Variants in COL26A1 observed in about 807,000 individuals in gnomAD.
COL26A1 encodes the protein collagen type XXVI alpha 1 chain.
COL26A1 carries 41 observed loss-of-function variants against 59.3 expected under a neutral mutation model. The ratio of observed to expected loss-of-function variants is 0.69; its 90% CI spans 0.54 to 0.90. COL26A1 has a LOEUF of 0.90. Among genes scored for constraint, COL26A1 ranks in the 40% least tolerant of loss-of-function variants. The pLI, the probability that COL26A1 is intolerant of heterozygous loss-of-function variation, is 0.00. For missense variants in COL26A1, 612 were observed against 602.3 expected (o/e 1.02, Z -0.17); for synonymous variants, 266 against 256.0 (o/e 1.04, Z -0.37).
intron 3 of COL26A1, among the ~76,000 whole-genome samples, chr7:101,464,512 A>G (rs1793709139): frequency 6.6e-6 from 1 of 151,750 alleles, no homozygotes; most frequent in Non-Finnish European, 1.5e-5. Context: ...CCCGGGTTCA[A>G]ACGATTCTCC....
At chr7:101,430,573 G>A (rs558080338) in intron 2 of COL26A1, among the ~76,000 whole-genome samples, 95 of 151,928 alleles carry the variant, frequency 6.3e-4, no homozygotes, top group African/African-American at 2.3e-3. Flanking sequence ...ATAGGTGTGA[G>A]TCACCATGTC....
Position 101,363,018 on chromosome 7 carries a change from G to A in COL26A1, c.-15G>A, listed in dbSNP as rs1456386475. 3.2e-6 allele frequency: 5 copies of A among 1,567,818 alleles called. No individual in the cohort carries two copies. The highest frequency in any genetic ancestry group is 3.5e-5 in the Admixed American group (2 of 57,086). On this transcript the variant is annotated 5_prime_UTR_variant, in exon 1 of 13. Coordinates refer to ENST00000313669, the MANE Select transcript of COL26A1 (RefSeq NM_001278563.3). Reference sequence around the variant, plus strand: ...CGTGCCCGGGACTCCGGGTCCCCGCGGGCTGCTGCGCACGATGAAGCTGGC... The same window carrying A: ...CGTGCCCGGGACTCCGGGTCCCCGCAGGCTGCTGCGCACGATGAAGCTGGC...
intron 3 of COL26A1, among the ~76,000 whole-genome samples, chr7:101,464,901 G>A (rs947729997): frequency 1.3e-5 from 2 of 151,274 alleles, no homozygotes; most frequent in African/African-American, 2.4e-5. Context: ...TTGTAGTGGC[G>A]GGGTCTCGCT....
At chr7:101,363,543 C>CGGT (rs1562948127) in intron 1 of COL26A1, among the ~76,000 whole-genome samples, 15 of 26,270 alleles carry the variant, frequency 5.7e-4, no homozygotes, top group African/African-American at 1.9e-3. Flanking sequence ...CGCGGGGCGG[C>CGGT]GGGGGTTGGG....
intron 3 of COL26A1, among the ~76,000 whole-genome samples, chr7:101,512,009 T>C (rs1794936633): frequency 6.6e-6 from 1 of 151,552 alleles, no homozygotes; most frequent in South Asian, 2.1e-4. Flanking sequence ...AAAGTAATAA[T>C]AATAAATAAA....
chr7:101,541,249 C>G (rs1795611086), intron 5 of COL26A1, among the ~76,000 whole-genome samples: 1 of 152,238 alleles, frequency 6.6e-6, no homozygotes, highest in African/African-American at 2.4e-5. Context: ...TTACTGCTTC[C>G]CACCTCTTTC....
intron 5 of COL26A1, among the ~76,000 whole-genome samples, chr7:101,542,847 T>C (rs1795645138): frequency 6.6e-6 from 1 of 152,202 alleles, no homozygotes; most frequent in African/African-American, 2.4e-5. Context: ...CCCAGAGCGT[T>C]ACCTCATGCC....
intron 1 of COL26A1, among the ~76,000 whole-genome samples, chr7:101,394,971 T>A (rs1447245084): frequency 6.6e-6 from 1 of 150,412 alleles, no homozygotes; most frequent in African/African-American, 2.5e-5. Flanking sequence ...CCTCCCAGGT[T>A]AAGTGATTCT....
chr7:101,503,609 C>T (rs1395378181), intron 3 of COL26A1, among the ~76,000 whole-genome samples: 2 of 152,154 alleles, frequency 1.3e-5, no homozygotes, highest in Non-Finnish European at 1.5e-5. Flanking sequence ...CTTGACCTCC[C>T]GGCCTCTGGT....
chr7:101,498,609 C>T (rs529416702), intron 3 of COL26A1, among the ~76,000 whole-genome samples: 407 of 152,296 alleles, frequency 2.7e-3, no homozygotes, highest in African/African-American at 8.7e-3. Flanking sequence ...ACCCTGCCGG[C>T]GACACCAAGG....
chr7:101,538,157 G>A (rs566457119), intron 4 of COL26A1, among the ~76,000 whole-genome samples: 76 of 152,278 alleles, frequency 5.0e-4, no homozygotes, highest in Non-Finnish European at 9.7e-4. Flanking sequence ...GACAGCCACC[G>A]TCTTCTTGCT....
At position 101,547,206 on chromosome 7, in the gene COL26A1, G is replaced by C; in HGVS notation, c.907G>C (p.Val303Leu). Residue 303 changes from valine to leucine, a missense_variant, in exon 8 of 13, where the codon GTC (valine) becomes CTC (leucine). Transcript: ENST00000313669. ...CATCGTGGACACAGTGCTGGCAGGT[G>C]TCCCAGGACCCCGGGGTCCCCCTGG... ...SAIVDTVLAG[V>L]PGPRGPPGPP... The C allele has an allele frequency of 6.3e-7, 1 of 1,593,444 alleles. No homozygotes were observed. Among genetic ancestry groups the C allele is most frequent in the Non-Finnish European group, 8.5e-7 (1 of 1,171,896 alleles).
intron 1 of COL26A1, among the ~76,000 whole-genome samples, chr7:101,384,230 G>GTTTT (rs35085221): frequency 0.013 from 1,353 of 105,584 alleles, 29 homozygotes; most frequent in African/African-American, 0.044. Flanking sequence ...GTTCAGGCTG[G>GTTTT]TTTTTTTTTT....
At chr7:101,443,181 C>A (rs542449442) in intron 2 of COL26A1, among the ~76,000 whole-genome samples, 1 of 152,232 alleles carries the variant, frequency 6.6e-6, no homozygotes, top group African/African-American at 2.4e-5. Flanking sequence ...TCTTTCCAAC[C>A]CCCCATCCTG....
intron 1 of COL26A1, among the ~76,000 whole-genome samples, chr7:101,400,714 A>G (rs985661435): frequency 6.6e-6 from 1 of 152,106 alleles, no homozygotes; most frequent in Non-Finnish European, 1.5e-5. Context: ...GCACATCACC[A>G]TGCCCAGCTA....
intron 3 of COL26A1, among the ~76,000 whole-genome samples, chr7:101,459,997 G>A (rs1793572247): frequency 1.3e-5 from 2 of 152,144 alleles, no homozygotes; most frequent in Non-Finnish European, 2.9e-5. Flanking sequence ...CTGAGAAGAG[G>A]CTGCAGCCTC....
chr7:101,540,121 C>T (rs1795582120), intron 5 of COL26A1, 72 bp downstream of exon 5: 2 of 1,444,518 alleles, frequency 1.4e-6, no homozygotes, highest in Non-Finnish European at 9.3e-7. Flanking sequence ...CCAGGGCCTC[C>T]CTAGAGAGGC....
intron 3 of COL26A1, among the ~76,000 whole-genome samples, chr7:101,519,269 G>A (rs1795091582): frequency 6.6e-6 from 1 of 152,148 alleles, no homozygotes; most frequent in South Asian, 2.1e-4. Flanking sequence ...GACTCCTGAG[G>A]TTTCCAAAGT....
intron 3 of COL26A1, among the ~76,000 whole-genome samples, chr7:101,509,052 G>A (rs150060934): frequency 0.013 from 1,994 of 152,240 alleles, 34 homozygotes; most frequent in African/African-American, 0.046. Context: ...TGAGGCCTCA[G>A]GAAGCGTTTA....
Sources: gnomAD v4.1 joint callset for allele counts (sites outside exome capture counted in the v4.1 genomes callset) on GRCh38, gnomAD v4.1.1 for gene constraint, MANE v1.5 for transcripts, NCBI Gene and HGNC (gene_info 2026-07-23, HGNC 2026-07-21) for gene names.